Variants in NRG1 observed in about 807,000 individuals in gnomAD.
NRG1 encodes the protein neuregulin 1.
NRG1 carries 18 observed loss-of-function variants against 63.8 expected under a neutral mutation model. The observed-to-expected ratio is 0.28, with a 90% CI of 0.19 to 0.42. The LOEUF (loss-of-function observed/expected upper bound fraction) is 0.42, where lower values mean the gene tolerates loss of function less well. Among genes scored for constraint, NRG1 ranks in the 10% least tolerant of loss-of-function variants. The pLI is 1.00. For synonymous variants in NRG1, 302 were observed against 301.3 expected (o/e 1.00, Z -0.02); for missense variants, 762 against 814.7 (o/e 0.94, Z 0.79).
At chr8:31,830,604 T>C (rs537696586) in intron 1 of NRG1, among the ~76,000 whole-genome samples, 8 of 152,182 alleles carry the variant, frequency 5.3e-5, no homozygotes, top group Admixed American at 1.3e-4. Flanking sequence ...CTGCCTTCTC[T>C]CCCTCCATTT....
intron 1 of NRG1, among the ~76,000 whole-genome samples, chr8:31,840,270 G>A (rs376494493): frequency 2.0e-5 from 3 of 151,886 alleles, no homozygotes; most frequent in Non-Finnish European, 1.5e-5. Context: ...TATATCAGTG[G>A]AGATGGCCCG....
exon 1 of NRG1, chr8:32,548,792 G>C (rs1385878351): frequency 6.3e-7 from 1 of 1,585,524 alleles, no homozygotes; most frequent in East Asian, 2.3e-5. Flanking sequence ...GCTCCGGCAA[G>C]AAGCCGGAGT....
In NRG1 at chr8:32,657,690, T is replaced by C. The variant is rs1399629356; in HGVS notation, c.502+40805T>C. ...TAGTAGAATTGAACTCTTGTTAGCA[T>C]TTGTTTGTAATCCCTTGGTAGAGCT... is the stretch of plus-strand genomic sequence containing the variant. On this transcript the variant is annotated intron_variant, in intron 5 of 11. Transcript: ENST00000356819. Among the ~76,000 whole-genome samples the C allele has an allele frequency of 2.6e-5, 4 of 152,336 alleles. No homozygotes were observed. In the East Asian group the frequency reaches 7.7e-4, roughly 29 times the overall value.
intron 1 of NRG1, among the ~76,000 whole-genome samples, chr8:32,233,376 T>C (rs1369662499): frequency 6.6e-6 from 1 of 151,712 alleles, no homozygotes; most frequent in Non-Finnish European, 1.5e-5. Flanking sequence ...CCTCCCAAAA[T>C]GTTATAGACG....
intron 5 of NRG1, among the ~76,000 whole-genome samples, chr8:32,674,842 C>T (rs1806635961): frequency 6.6e-6 from 1 of 152,060 alleles, no homozygotes; most frequent in Admixed American, 6.6e-5. Flanking sequence ...AGTGGCTCAC[C>T]CTTGATCACA....
intron 1 of NRG1, among the ~76,000 whole-genome samples, chr8:31,790,502 C>A (rs143367219): frequency 6.6e-6 from 1 of 152,142 alleles, no homozygotes; most frequent in Non-Finnish European, 1.5e-5. Context: ...AATTGGTTAA[C>A]CCCTCTGGAC....
intron 1 of NRG1, among the ~76,000 whole-genome samples, chr8:32,239,127 A>T (rs16879020): frequency 6.6e-6 from 1 of 152,198 alleles, no homozygotes; most frequent in African/African-American, 2.4e-5. Flanking sequence ...ACAGAGCAGT[A>T]AGAATTTCTT....
chr8:32,647,114 C>G (rs937256026), intron 5 of NRG1: 1 of 985,282 alleles, frequency 1.0e-6, no homozygotes, highest in Admixed American at 6.1e-5. Flanking sequence ...GCCCTCTGAT[C>G]CTGTTTGCAG....
chr8:32,183,575 C>T (rs1320614593), intron 1 of NRG1, among the ~76,000 whole-genome samples: 1 of 152,162 alleles, frequency 6.6e-6, no homozygotes, highest in Admixed American at 6.5e-5. Flanking sequence ...CCAATATTAA[C>T]ATCACTAAAT....
intron 1 of NRG1, among the ~76,000 whole-genome samples, chr8:31,901,913 A>G (rs1019579836): frequency 5.3e-5 from 8 of 152,320 alleles, no homozygotes; most frequent in South Asian, 4.1e-4. Context: ...TAGAAAGGTC[A>G]TTATCTGTTC....
chr8:32,050,214 T>G (rs1274915913), intron 1 of NRG1, among the ~76,000 whole-genome samples: 2 of 151,958 alleles, frequency 1.3e-5, no homozygotes, highest in East Asian at 1.9e-4. Context: ...TTGCGTCAGT[T>G]GGTATCTGTT....
chr8:31,654,657 G>C (rs1284883167), intron 1 of NRG1, among the ~76,000 whole-genome samples: 1 of 152,200 alleles, frequency 6.6e-6, no homozygotes, highest in Non-Finnish European at 1.5e-5. Context: ...ACTGCTTCTT[G>C]GCTAGATGTG....
intron 1 of NRG1, among the ~76,000 whole-genome samples, chr8:32,336,728 G>C (rs1803317597): frequency 6.6e-6 from 1 of 152,142 alleles, no homozygotes; most frequent in Non-Finnish European, 1.5e-5. Flanking sequence ...TCCTGCTGCA[G>C]CCTCCTGAGT....
chr8:31,878,554 C>T (rs1830103405), intron 1 of NRG1, among the ~76,000 whole-genome samples: 1 of 152,158 alleles, frequency 6.6e-6, no homozygotes, highest in Non-Finnish European at 1.5e-5. Context: ...AGTAATATCG[C>T]CACAAACTGA....
intron 1 of NRG1, among the ~76,000 whole-genome samples, chr8:32,575,886 T>C (rs575484351): frequency 2.6e-5 from 4 of 152,358 alleles, no homozygotes; most frequent in South Asian, 2.1e-4. Flanking sequence ...TTGTCTTACA[T>C]AGCTCTAAAG....
chr8:31,850,654 G>T (rs565101002), intron 1 of NRG1, among the ~76,000 whole-genome samples: 1 of 152,206 alleles, frequency 6.6e-6, no homozygotes, highest in African/African-American at 2.4e-5. Context: ...GCTGTATAGG[G>T]ATTTAGTTCA....
At chr8:32,116,788 T>C (rs1832769862) in intron 1 of NRG1, among the ~76,000 whole-genome samples, 1 of 152,022 alleles carries the variant, frequency 6.6e-6, no homozygotes, top group African/African-American at 2.4e-5. Flanking sequence ...TCATCAAACT[T>C]AATGGAACCA....
At chr8:32,704,638 T>C (rs1815866257) in intron 5 of NRG1, among the ~76,000 whole-genome samples, 1 of 152,236 alleles carries the variant, frequency 6.6e-6, no homozygotes, top group African/African-American at 2.4e-5. Flanking sequence ...AGAAAAATAC[T>C]TAAGTGTTGC....
At chr8:31,923,024 A>G (rs1316271117) in intron 1 of NRG1, among the ~76,000 whole-genome samples, 2 of 152,168 alleles carry the variant, frequency 1.3e-5, no homozygotes, top group African/African-American at 4.8e-5. Context: ...GCAAGGAAGA[A>G]TGAATAGAAA....
Sources: allele counts gnomAD v4.1 joint callset (sites outside exome capture counted in the v4.1 genomes callset), GRCh38; gene constraint gnomAD v4.1.1; transcripts MANE v1.5; gene names NCBI Gene and HGNC (gene_info 2026-07-23, HGNC 2026-07-21).